The following SORBS2 variants were observed in gnomAD, a reference collection of about 807,000 sequenced individuals.
SORBS2 encodes sorbin and SH3 domain containing 2, also known as sorbin and SH3 domain-containing protein 2.
SORBS2 carries 46 observed loss-of-function variants against 97.7 expected under a neutral mutation model. The ratio of observed to expected loss-of-function variants is 0.47; its 90% CI spans 0.37 to 0.60. The LOEUF (loss-of-function observed/expected upper bound fraction) is 0.60, where lower values mean the gene tolerates loss of function less well. Ranked by LOEUF, SORBS2 falls within the 20% of genes least tolerant of loss-of-function variation. SORBS2 has a pLI of 0.00. For synonymous variants in SORBS2, 476 were observed against 473.4 expected (o/e 1.01, Z -0.07); for missense variants, 1,316 against 1,282.3 (o/e 1.03, Z -0.40).
intron 8 of SORBS2, among the ~76,000 whole-genome samples, chr4:185,619,570 G>T (rs750019584): frequency 3.9e-4 from 60 of 152,284 alleles, no homozygotes; most frequent in Non-Finnish European, 6.5e-4. Context: ...TTGGTGGGTG[G>T]TTCCCAGGGG....
At chr4:185,817,592 G>A (rs1437722108) in intron 1 of SORBS2, among the ~76,000 whole-genome samples, 1 of 152,168 alleles carries the variant, frequency 6.6e-6, no homozygotes, top group Non-Finnish European at 1.5e-5. Context: ...TCCGGGCAAC[G>A]TGCCACCCTA....
At chr4:185,902,686 C>T (rs200014725) in intron 1 of SORBS2, among the ~76,000 whole-genome samples, 1 of 112,212 alleles carries the variant, frequency 8.9e-6, no homozygotes, top group Admixed American at 8.7e-5. Flanking sequence ...GGTGTTTTTA[C>T]TTAAAAAAAA....
At chr4:185,937,108 T>A (rs1225474183) in intron 1 of SORBS2, among the ~76,000 whole-genome samples, 1 of 152,212 alleles carries the variant, frequency 6.6e-6, no homozygotes, top group African/African-American at 2.4e-5. Flanking sequence ...TGACATGGTT[T>A]CCTGTCAGCC....
exon 15 of SORBS2, chr4:185,587,211 C>A (rs2095810235): frequency 5.3e-6 from 1 of 188,368 alleles, no homozygotes; most frequent in Non-Finnish European, 1.1e-5. Context: ...CAGCATTCCC[C>A]AATAAACAAT....
At chr4:185,697,111 C>A (rs1397657034) in intron 2 of SORBS2, among the ~76,000 whole-genome samples, 1 of 152,090 alleles carries the variant, frequency 6.6e-6, no homozygotes, top group Non-Finnish European at 1.5e-5. Flanking sequence ...TCTATGCATC[C>A]GAACAATTTA....
chr4:185,875,341 C>T (rs1362566510), intron 1 of SORBS2, among the ~76,000 whole-genome samples: 1 of 152,116 alleles, frequency 6.6e-6, no homozygotes, highest in Non-Finnish European at 1.5e-5. Flanking sequence ...TATTTCAAAA[C>T]ATCATGTTAG....
At chr4:185,637,503 T>C (rs2097033967) in intron 4 of SORBS2, among the ~76,000 whole-genome samples, 1 of 152,272 alleles carries the variant, frequency 6.6e-6, no homozygotes, top group Non-Finnish European at 1.5e-5. Flanking sequence ...GGCAGTATAT[T>C]ATAGTGAGAA....
At chr4:185,861,022 G>T (rs1294998538) in intron 1 of SORBS2, among the ~76,000 whole-genome samples, 1 of 152,230 alleles carries the variant, frequency 6.6e-6, no homozygotes, top group Non-Finnish European at 1.5e-5. Flanking sequence ...AGACAGCTTT[G>T]CTGGGCCATT....
chr4:185,672,338 T>C (rs1260621473), intron 4 of SORBS2, among the ~76,000 whole-genome samples: 1 of 152,236 alleles, frequency 6.6e-6, no homozygotes, highest in Non-Finnish European at 1.5e-5. Flanking sequence ...GATTATGTTA[T>C]TTCATAACGG....
At chr4:185,939,362 C>A (rs1446221369) in intron 1 of SORBS2, among the ~76,000 whole-genome samples, 8 of 152,274 alleles carry the variant, frequency 5.3e-5, no homozygotes, top group African/African-American at 1.9e-4. Context: ...TGGAATAGTT[C>A]CATCAGCATT....
intron 1 of SORBS2, among the ~76,000 whole-genome samples, chr4:185,880,742 C>T (rs1437563965): frequency 3.9e-5 from 6 of 152,156 alleles, no homozygotes; most frequent in Non-Finnish European, 8.8e-5. Context: ...TTTCAAAGTA[C>T]GGAAAAGCAA....
In SORBS2 at chr4:185,587,325, T is replaced by C. The variant is rs2095811873; in HGVS notation, c.*302A>G. 6 of 211,058 alleles carry C rather than the reference T, an allele frequency of 2.8e-5. No individual in the cohort carries two copies. In the South Asian group the frequency reaches 3.4e-4, roughly 12 times the overall value. The allele number at this position is 211,058 out of a possible 1,614,324, so 13.1% of individuals were successfully genotyped here. A position where few individuals can be genotyped will look rare whatever the true frequency, so the allele number is the denominator to read the frequency against. On this transcript the variant is annotated 3_prime_UTR_variant, in exon 15 of 15. Coordinates refer to ENST00000418609, the Ensembl canonical transcript of SORBS2. ...GACACTTTTTTTTTTTTTTTTTGCC[T>C]CAAATATTTGACCATTTTTAAATAT...
intron 1 of SORBS2, among the ~76,000 whole-genome samples, chr4:185,855,282 C>T (rs558398499): frequency 2.0e-5 from 3 of 152,142 alleles, no homozygotes; most frequent in African/African-American, 7.2e-5. Context: ...GTAAATTTAC[C>T]TTCAACTACA....
chr4:185,731,862 CTCTCTATA>C (rs1199550688), intron 2 of SORBS2, among the ~76,000 whole-genome samples: 73 of 30,526 alleles, frequency 2.4e-3, no homozygotes, highest in African/African-American at 3.2e-3. Context: ...CTCTCTCTCT[CTCTCTATA>C]TATATATATA....
chr4:185,625,261 G>T (rs573454318), intron 6 of SORBS2, among the ~76,000 whole-genome samples: 9 of 151,902 alleles, frequency 5.9e-5, no homozygotes, highest in African/African-American at 2.2e-4. Flanking sequence ...TTTTTTTCTC[G>T]GAAGAGTTCT....
At chr4:185,885,405 C>G in intron 1 of SORBS2, among the ~76,000 whole-genome samples, 1 of 152,182 alleles carries the variant, frequency 6.6e-6, no homozygotes, top group East Asian at 1.9e-4. Context: ...ATAATGAAGG[C>G]TTAACTCAGA....
chr4:185,613,950 C>A (rs570455745), intron 11 of SORBS2, among the ~76,000 whole-genome samples: 1 of 152,198 alleles, frequency 6.6e-6, no homozygotes, highest in South Asian at 2.1e-4. Flanking sequence ...TGTGGTATTG[C>A]TCTTCATCGC....
At chr4:185,631,123 T>C (rs189303595) in intron 4 of SORBS2, among the ~76,000 whole-genome samples, 4 of 152,306 alleles carry the variant, frequency 2.6e-5, no homozygotes, top group African/African-American at 9.6e-5. Context: ...TCTGTCAACA[T>C]AGACATGACG....
In SORBS2 at chr4:185,587,537, C is replaced by T. The variant is rs527761093; in HGVS notation, c.*90G>A. 3 of 1,106,500 alleles carry T rather than the reference C, an allele frequency of 2.7e-6. No homozygotes were observed. The East Asian group carries it at 7.1e-5, about 26-fold the overall frequency. 68.5% of individuals were successfully genotyped at this position (1,106,500 alleles called of 1,614,324 possible). A position where few individuals can be genotyped will look rare whatever the true frequency, so the allele number is the denominator to read the frequency against. ...TGACGGCGCATTGGAAACCGTAAGGCATGACAACGGGAGGCCCGCGGGGTG... is the reference window on the plus strand; with the variant it reads ...TGACGGCGCATTGGAAACCGTAAGGTATGACAACGGGAGGCCCGCGGGGTG... On this transcript the variant is annotated 3_prime_UTR_variant, in exon 15 of 15. Transcript: ENST00000418609.
Sources: gnomAD v4.1 joint callset for allele counts (sites outside exome capture counted in the v4.1 genomes callset) on GRCh38, gnomAD v4.1.1 for gene constraint, MANE v1.5 for transcripts, NCBI Gene and HGNC (gene_info 2026-07-23, HGNC 2026-07-21) for gene names.